Variants in ITSN2 observed in about 807,000 individuals in gnomAD.
ITSN2 encodes intersectin-2.
A neutral mutation model predicts 243.7 loss-of-function variants in ITSN2; 156 were observed. The observed-to-expected ratio is 0.64, with a 90% CI of 0.56 to 0.73. The LOEUF (loss-of-function observed/expected upper bound fraction) is 0.73, where lower values mean the gene tolerates loss of function less well. Among genes scored for constraint, ITSN2 ranks in the 30% least tolerant of loss-of-function variants. ITSN2 has a pLI of 0.00. For missense variants in ITSN2, 1,801 were observed against 1,996.1 expected (o/e 0.90, Z 1.86); for synonymous variants, 703 against 699.9 (o/e 1.00, Z -0.07).
chr2:24,244,042 T>A (rs1428567330), intron 29 of ITSN2, among the ~76,000 whole-genome samples: 1 of 152,196 alleles, frequency 6.6e-6, no homozygotes, highest in East Asian at 1.9e-4. Context: ...AGACTAAGGC[T>A]CTGCCAGTTC....
chr2:24,359,527 G>A (rs1419479469), intron 1 of ITSN2, among the ~76,000 whole-genome samples: 1 of 152,102 alleles, frequency 6.6e-6, no homozygotes, highest in African/African-American at 2.4e-5. Flanking sequence ...GAGCGACAAG[G>A]CGCATAATTA....
rs1018523051 is a variant in ITSN2, at chr2:24,225,408, C to T, written c.3578-4342G>A. Among the ~76,000 whole-genome samples, 5 of 152,190 alleles carry T rather than the reference C, an allele frequency of 3.3e-5. No homozygotes were observed. Among genetic ancestry groups the T allele is most frequent in the Non-Finnish European group, 5.9e-5 (4 of 68,040 alleles). On this transcript the variant is annotated intron_variant, in intron 29 of 39. Coordinates refer to ENST00000355123, the MANE Select transcript of ITSN2 (RefSeq NM_006277.3). This position sits in a 1 kb window ranked among gnomAD's most constrained non-coding sequence, Gnocchi z 4.2. The stretch of plus-strand genomic sequence containing the variant: ...GGATTCTGGTTTCTGCCCCACTGCC[C>T]GACACTGCTCTCGGGAAGGTATCGA...
rs567999442 is a variant in ITSN2, at chr2:24,350,515, C to A, written c.-34+9789G>T. Reference sequence around the variant, plus strand: ...ATAAAAACATGTCCCAAAACCTGTACACAAATGCTCACAGCAGCATTATTC... The same window carrying A: ...ATAAAAACATGTCCCAAAACCTGTAAACAAATGCTCACAGCAGCATTATTC... On this transcript the variant is annotated intron_variant, in intron 1 of 39. Transcript: ENST00000355123. 2.6e-5 allele frequency among the ~76,000 whole-genome samples: 4 copies of A among 152,300 alleles called. No individual in the cohort carries two copies. The South Asian group carries it at 8.3e-4, about 32-fold the overall frequency.
At chr2:24,341,383 A>G (rs1163789918) in intron 1 of ITSN2, among the ~76,000 whole-genome samples, 1 of 152,210 alleles carries the variant, frequency 6.6e-6, no homozygotes, top group Non-Finnish European at 1.5e-5. Context: ...TGTATAAGAA[A>G]AAAGAGACAA....
intron 37 of ITSN2, among the ~76,000 whole-genome samples, chr2:24,207,499 A>G (rs971339549): frequency 1.3e-5 from 2 of 151,820 alleles, no homozygotes; most frequent in African/African-American, 4.8e-5. Flanking sequence ...CGGGCTTGGG[A>G]GAGTGTGGCT....
chr2:24,205,292 A>T lies in ITSN2; in HGVS notation c.4684T>A (p.Ser1562Thr), dbSNP rs1668752706. The change falls in exon 38 of 40, where the codon TCC becomes ACC. Residue 1562 changes from serine to threonine, a missense_variant. Ser to Thr is a moderately conservative substitution (Grantham distance 58, BLOSUM62 1). Transcript: ENST00000355123. ...CGCCCAATGCCTGAAGTCTTTTGGG[A>T]GCGGGCTACAAAAGAGGAAGACAAG... ...KKREKAYQAR[S>T]QKTSGIGRLM... 2 of 1,613,304 alleles carry T rather than the reference A, an allele frequency of 1.2e-6. No homozygotes were observed. Among genetic ancestry groups the T allele is most frequent in the African/African-American group, 2.7e-5 (2 of 74,884 alleles).
At chr2:24,321,548 T>C (rs1684581016) in intron 2 of ITSN2, among the ~76,000 whole-genome samples, 1 of 152,194 alleles carries the variant, frequency 6.6e-6, no homozygotes, top group Non-Finnish European at 1.5e-5. Flanking sequence ...GAAACAGATG[T>C]ACTGAAGAAC....
intron 18 of ITSN2, among the ~76,000 whole-genome samples, chr2:24,272,424 C>CTTTT (rs528083155): frequency 2.4e-5 from 3 of 123,402 alleles, no homozygotes; most frequent in East Asian, 2.3e-4. Flanking sequence ...AAACAACCTA[C>CTTTT]TTTTTTTTTT....
intron 7 of ITSN2, 59 bp downstream of exon 7, chr2:24,310,225 T>A (rs1683081751): frequency 9.1e-7 from 1 of 1,102,824 alleles, no homozygotes; most frequent in Admixed American, 2.1e-5. Flanking sequence ...AAAAATCATT[T>A]GTTAAATAAA....
intron 23 of ITSN2, 77 bp downstream of exon 23, chr2:24,257,811 A>G: frequency 9.0e-7 from 1 of 1,107,602 alleles, no homozygotes; most frequent in Non-Finnish European, 1.4e-6. Context: ...TTTATTATAC[A>G]CTCAATCAGA....
intron 7 of ITSN2, among the ~76,000 whole-genome samples, chr2:24,309,354 G>A (rs756348123): frequency 7.9e-5 from 12 of 152,032 alleles, no homozygotes; most frequent in Non-Finnish European, 1.5e-4. Context: ...CACCACGCCC[G>A]GCTAATTTTT....
intron 27 of ITSN2, among the ~76,000 whole-genome samples, chr2:24,247,685 C>G (rs948332156): frequency 1.2e-4 from 18 of 152,266 alleles, no homozygotes; most frequent in Middle Eastern, 6.8e-3. Flanking sequence ...CTTTCAGGCT[C>G]AGAGTTCTCG....
chr2:24,262,691 C>T (rs150703001), intron 20 of ITSN2, among the ~76,000 whole-genome samples: 1 of 152,240 alleles, frequency 6.6e-6, no homozygotes, highest in East Asian at 1.9e-4. Flanking sequence ...ATAATGAATC[C>T]AAGAGCTATG....
intron 1 of ITSN2, chr2:24,330,504 C>T (rs1685659910): frequency 4.3e-6 from 3 of 704,036 alleles, no homozygotes; most frequent in Admixed American, 1.8e-5. Flanking sequence ...ACCTGCTCCT[C>T]CAACGCCAGA....
At chr2:24,220,401 G>C in intron 30 of ITSN2, 2 of 984,870 alleles carry the variant, frequency 2.0e-6, no homozygotes, top group Non-Finnish European at 2.4e-6. Flanking sequence ...GCTGTCATCA[G>C]CGTAGAGGTC....
rs529142543 is a variant in ITSN2, at chr2:24,344,506, G to T, written c.-34+15798C>A. On this transcript the variant is annotated intron_variant, in intron 1 of 39. Transcript: ENST00000355123. Reference sequence around the variant, plus strand: ...AATTTTCATTTCTCTGATCATTAGGGAACTCAGCATTTTTCATATATCTAT... The same window carrying T: ...AATTTTCATTTCTCTGATCATTAGGTAACTCAGCATTTTTCATATATCTAT... Among the ~76,000 whole-genome samples the T allele has an allele frequency of 2.0e-5, 3 of 152,144 alleles. No individual in the cohort carries two copies. In the East Asian group the frequency reaches 5.8e-4, roughly 29 times the overall value.
chr2:24,284,791 C>T lies in ITSN2; in HGVS notation c.1916G>A (p.Cys639Tyr). The change falls in exon 17 of 40, where the codon TGT (cysteine) becomes TAT (tyrosine). Residue 639 changes from cysteine (C) to tyrosine (Y), a missense_variant. Physicochemically the swap from Cys to Tyr is radical, Grantham distance 194. Around this residue, in one of 5 missense-constraint regions of ITSN2, gnomAD observed 787 missense variants for 803.9 expected, o/e 0.98. Coordinates refer to ENST00000355123, the MANE Select transcript of ITSN2 (RefSeq NM_006277.3). ...VLQCLLSLLS[C>Y]LNNLFLLLKE... is the part of the protein sequence containing the mutation. ...AAGTAAGAGGAAGAGGTTGTTGAGA[C>T]AGCTTAGCAGAGACAAAAGGCACTG... The T allele has an allele frequency of 6.2e-7, 1 of 1,604,662 alleles. No homozygotes were observed. The highest frequency in any genetic ancestry group is 8.5e-7 in the Non-Finnish European group (1 of 1,172,334).
At chr2:24,254,825 T>C (rs948499345) in intron 23 of ITSN2, among the ~76,000 whole-genome samples, 1 of 152,086 alleles carries the variant, frequency 6.6e-6, no homozygotes, top group African/African-American at 2.4e-5. Flanking sequence ...TGCACTACAT[T>C]AAAAAAATAA....
intron 29 of ITSN2, among the ~76,000 whole-genome samples, chr2:24,236,222 T>C (rs1672133030): frequency 6.6e-6 from 1 of 152,234 alleles, no homozygotes. Flanking sequence ...GAAAACATTA[T>C]GCTAAGTGAA....
Sources: gnomAD v4.1 joint callset for allele counts (sites outside exome capture counted in the v4.1 genomes callset) on GRCh38, gnomAD v4.1.1 for gene constraint, gnomAD v4.1.1 regional missense constraint, Gnocchi (gnomAD v3.1) non-coding constraint, MANE v1.5 for transcripts, NCBI Gene and HGNC (gene_info 2026-07-23, HGNC 2026-07-21) for gene names.